The following DOK6 variants were observed in gnomAD, a reference collection of about 807,000 sequenced individuals.
DOK6 encodes docking protein 6.
Under a neutral mutation model 44.0 loss-of-function variants are expected in DOK6, and 22 were observed. The ratio of observed to expected loss-of-function variants is 0.50; its 90% CI spans 0.36 to 0.71. DOK6 has a LOEUF of 0.71. Ranked by LOEUF, DOK6 falls within the 30% of genes least tolerant of loss-of-function variation. DOK6 has a pLI of 0.00. For missense variants in DOK6, 340 were observed against 416.4 expected, an observed-to-expected ratio of 0.82 and a Z score of 1.60; for synonymous variants, 166 against 145.5, an observed-to-expected ratio of 1.14 and a Z score of -1.01.
intron 1 of DOK6, among the ~76,000 whole-genome samples, chr18:69,444,229 G>C (rs915605634): frequency 6.6e-6 from 1 of 152,164 alleles, no homozygotes; most frequent in Non-Finnish European, 1.5e-5. Flanking sequence ...ATGTTTTGGA[G>C]AGCACGGCAC....
At chr18:69,492,997 A>G (rs1414848080) in intron 1 of DOK6, among the ~76,000 whole-genome samples, 1 of 152,044 alleles carries the variant, frequency 6.6e-6, no homozygotes, top group Admixed American at 6.6e-5. Context: ...CTTAAATGAA[A>G]ATATAAACTT....
intron 1 of DOK6, among the ~76,000 whole-genome samples, chr18:69,437,007 GT>G (rs1402576009): frequency 1.1e-4 from 17 of 152,150 alleles, no homozygotes; most frequent in African/African-American, 3.9e-4. Flanking sequence ...GGGGTTGTAT[GT>G]TTTTTTCTTG....
At chr18:69,412,707 T>C (rs1336981095) in intron 1 of DOK6, among the ~76,000 whole-genome samples, 1 of 152,166 alleles carries the variant, frequency 6.6e-6, no homozygotes, top group Non-Finnish European at 1.5e-5. Flanking sequence ...CATTTCTTTA[T>C]TTCAGCCAAA....
intron 1 of DOK6, among the ~76,000 whole-genome samples, chr18:69,435,046 G>GGAAGGAAA (rs1978932715): frequency 7.2e-6 from 1 of 138,602 alleles, no homozygotes; most frequent in African/African-American, 2.6e-5. Context: ...AAGGAAGGAA[G>GGAAGGAAA]GAAGGAAGGA....
chr18:69,750,070 AAT>A (rs1298814244), intron 6 of DOK6, among the ~76,000 whole-genome samples: 1 of 147,832 alleles, frequency 6.8e-6, no homozygotes, highest in Non-Finnish European at 1.5e-5. Context: ...ATATATATAT[AAT>A]ATATATAAAA....
intron 1 of DOK6, chr18:69,483,721 T>A (rs1980495259): frequency 6.6e-6 from 1 of 152,124 alleles, no homozygotes; most frequent in Non-Finnish European, 1.5e-5. Flanking sequence ...ATAGTAAGTT[T>A]GCAGGATAGA....
chr18:69,840,138 C>T (rs1982173366), intron 7 of DOK6, among the ~76,000 whole-genome samples: 1 of 152,226 alleles, frequency 6.6e-6, no homozygotes, highest in South Asian at 2.1e-4. Context: ...AAGCGAGTGA[C>T]ATTGCCAAGG....
chr18:69,611,881 G>T (rs73970198), intron 3 of DOK6, among the ~76,000 whole-genome samples: 3 of 151,984 alleles, frequency 2.0e-5, no homozygotes, highest in Admixed American at 1.3e-4. Flanking sequence ...AGCTTGTATT[G>T]GAACTGTGCA....
intron 2 of DOK6, among the ~76,000 whole-genome samples, chr18:69,579,584 A>C (rs1343032744): frequency 7.1e-6 from 1 of 141,162 alleles, no homozygotes; most frequent in Non-Finnish European, 1.6e-5. Context: ...TTTTTTTTTG[A>C]GACGGAGTCT....
intron 1 of DOK6, among the ~76,000 whole-genome samples, chr18:69,496,141 C>T (rs1980881454): frequency 6.6e-6 from 1 of 152,190 alleles, no homozygotes; most frequent in Non-Finnish European, 1.5e-5. Context: ...GCAGCTGCCC[C>T]AGGAGGGCAG....
intron 7 of DOK6, among the ~76,000 whole-genome samples, chr18:69,791,150 C>G (rs1980584190): frequency 6.6e-6 from 1 of 152,094 alleles, no homozygotes; most frequent in Non-Finnish European, 1.5e-5. Flanking sequence ...ATCCATTTGC[C>G]TGTTAATGGA....
chr18:69,561,153 TC>T (rs1982822344), intron 1 of DOK6, among the ~76,000 whole-genome samples: 1 of 152,120 alleles, frequency 6.6e-6, no homozygotes, highest in Admixed American at 6.6e-5. Flanking sequence ...CATAAGCCCA[TC>T]TTGGTAAATC....
rs535350597 is a variant in DOK6 at position 69,653,934 on chromosome 18, C to A, written c.290-23800C>A. Among the ~76,000 whole-genome samples the A allele has an allele frequency of 7.2e-5, 11 of 152,094 alleles. No homozygotes were observed. The East Asian group carries it at 2.1e-3, about 29-fold the overall frequency. Reference sequence around the variant, plus strand: ...AAAAAAATGGTTAATAGAAATGGGGCCACAGATTATCCAATATGAGAGTCA... The same window carrying A: ...AAAAAAATGGTTAATAGAAATGGGGACACAGATTATCCAATATGAGAGTCA... On this transcript the variant is annotated intron_variant, in intron 3 of 7. Coordinates refer to ENST00000382713, the MANE Select transcript of DOK6 (RefSeq NM_152721.6).
chr18:69,452,408 G>C, intron 1 of DOK6, among the ~76,000 whole-genome samples: 1 of 130,308 alleles, frequency 7.7e-6, no homozygotes, highest in Non-Finnish European at 1.6e-5. Flanking sequence ...AGCTGAAATT[G>C]TGGCAATAAT....
intron 7 of DOK6, among the ~76,000 whole-genome samples, chr18:69,815,001 A>T (rs1266350417): frequency 6.6e-6 from 1 of 152,112 alleles, no homozygotes; most frequent in African/African-American, 2.4e-5. Context: ...TTCTGAGGTC[A>T]TTGTGATCAA....
At chr18:69,677,624 G>A in intron 3 of DOK6, 110 bp from the exon 4 acceptor site, 1 of 1,556,228 alleles carries the variant, frequency 6.4e-7, no homozygotes, top group Non-Finnish European at 8.7e-7. Flanking sequence ...TTTTTTTAAA[G>A]GCAGGTTCTT....
chr18:69,455,313 T>C (rs1361772940), intron 1 of DOK6, among the ~76,000 whole-genome samples: 3 of 152,132 alleles, frequency 2.0e-5, no homozygotes, highest in Non-Finnish European at 4.4e-5. Context: ...ACACACAGGA[T>C]TGCAAAATAA....
At chr18:69,405,300 C>T (rs1916181739) in intron 1 of DOK6, among the ~76,000 whole-genome samples, 1 of 151,966 alleles carries the variant, frequency 6.6e-6, no homozygotes, top group Admixed American at 6.6e-5. Flanking sequence ...GAAAATTCAC[C>T]CTTTTATAGA....
At chr18:69,760,309 G>A (rs1212723739) in intron 7 of DOK6, among the ~76,000 whole-genome samples, 2 of 152,088 alleles carry the variant, frequency 1.3e-5, no homozygotes, top group Non-Finnish European at 2.9e-5. Flanking sequence ...CCACGAACAC[G>A]TACGTTTTTC....
Sources: allele counts gnomAD v4.1 joint callset (sites outside exome capture counted in the v4.1 genomes callset), GRCh38; gene constraint gnomAD v4.1.1; transcripts MANE v1.5; gene names NCBI Gene and HGNC (gene_info 2026-07-23, HGNC 2026-07-21).